Variants in SPAG17 observed in about 807,000 individuals in gnomAD.
SPAG17 encodes sperm associated antigen 17.
SPAG17 carries 169 observed loss-of-function variants against 273.6 expected under a neutral mutation model. The observed-to-expected ratio is 0.62, with a 90% CI of 0.55 to 0.70. The LOEUF is 0.70. Among genes scored for constraint, SPAG17 ranks in the 30% least tolerant of loss-of-function variants. SPAG17 has a pLI of 0.00. For synonymous variants in SPAG17, 825 were observed against 873.2 expected, an observed-to-expected ratio of 0.94 and a Z score of 0.97; for missense variants, 2,557 against 2,627.8, an observed-to-expected ratio of 0.97 and a Z score of 0.59.
intron 31 of SPAG17, among the ~76,000 whole-genome samples, chr1:118,006,702 C>A (rs746860955): frequency 6.6e-6 from 1 of 152,170 alleles, no homozygotes; most frequent in Non-Finnish European, 1.5e-5. Context: ...AAGTGACTAA[C>A]CACTTTCCAA....
intron 43 of SPAG17, among the ~76,000 whole-genome samples, chr1:117,977,278 G>T (rs779455366): frequency 6.6e-6 from 1 of 152,084 alleles, no homozygotes; most frequent in Non-Finnish European, 1.5e-5. Context: ...TCAAGATTGT[G>T]CCACTGCACT....
intron 37 of SPAG17, 29 bp downstream of exon 37, chr1:117,991,386 G>C (rs1438206515): frequency 7.6e-7 from 1 of 1,316,634 alleles, no homozygotes; most frequent in Non-Finnish European, 1.1e-6. Context: ...ACAATAGTAA[G>C]AACATGGGTA....
chr1:117,990,427 G>A (rs537463734), intron 38 of SPAG17, among the ~76,000 whole-genome samples: 1 of 152,172 alleles, frequency 6.6e-6, no homozygotes, highest in Non-Finnish European at 1.5e-5. Context: ...TTCTTTGAAT[G>A]AGATCTAAGA....
At chr1:118,022,007 C>G (rs1456793649) in intron 28 of SPAG17, among the ~76,000 whole-genome samples, 1 of 152,006 alleles carries the variant, frequency 6.6e-6, no homozygotes, top group East Asian at 1.9e-4. Flanking sequence ...CACAATATTT[C>G]TGGGTACTGT....
At chr1:117,991,605 G>T in intron 36 of SPAG17, 77 bp from the exon 37 acceptor site, 1 of 842,416 alleles carries the variant, frequency 1.2e-6, no homozygotes, top group Non-Finnish European at 1.9e-6. Context: ...TCATCAACTT[G>T]AAATATTACA....
intron 43 of SPAG17, among the ~76,000 whole-genome samples, chr1:117,974,672 C>T (rs1290686357): frequency 1.3e-5 from 2 of 152,176 alleles, no homozygotes; most frequent in Non-Finnish European, 2.9e-5. Flanking sequence ...TCCTCAGTTA[C>T]ATGAGGGAAT....
intron 4 of SPAG17, among the ~76,000 whole-genome samples, chr1:118,106,601 A>G (rs1395632865): frequency 1.3e-5 from 2 of 152,208 alleles, no homozygotes; most frequent in Non-Finnish European, 2.9e-5. Flanking sequence ...TGCTACAGAA[A>G]AGTTCCAATG....
At chr1:118,166,185 A>T (rs944595161) in intron 1 of SPAG17, among the ~76,000 whole-genome samples, 8 of 152,178 alleles carry the variant, frequency 5.3e-5, no homozygotes, top group Admixed American at 1.3e-4. Flanking sequence ...ATGCCACCCA[A>T]ACCGGCACAT....
At chr1:118,049,472 C>T (rs990514454) in intron 20 of SPAG17, among the ~76,000 whole-genome samples, 1 of 152,104 alleles carries the variant, frequency 6.6e-6, no homozygotes, top group African/African-American at 2.4e-5. Context: ...AGATAAAAAT[C>T]ACATGGTCAT....
intron 3 of SPAG17, among the ~76,000 whole-genome samples, chr1:118,135,276 C>T (rs995150527): frequency 3.9e-5 from 6 of 151,968 alleles, no homozygotes; most frequent in Non-Finnish European, 8.8e-5. Context: ...AAAAAAGTGT[C>T]TGGTGTCATG....
intron 46 of SPAG17, 32 bp from the exon 47 acceptor site, chr1:117,966,785 C>T (rs776094646): frequency 2.6e-6 from 4 of 1,562,146 alleles, no homozygotes; most frequent in Non-Finnish European, 3.5e-6. Flanking sequence ...TAGGACCAGA[C>T]AACTCTGAGT....
At chr1:118,123,304 T>C (rs1167283552) in intron 3 of SPAG17, among the ~76,000 whole-genome samples, 1 of 152,200 alleles carries the variant, frequency 6.6e-6, no homozygotes, top group East Asian at 1.9e-4. Flanking sequence ...TAATGAGTAA[T>C]TTCCAATGAG....
Position 118,028,254 on chromosome 1 carries a change from CT to C in SPAG17, c.3730+19del. 6.2e-7 allele frequency: 1 copy of C among 1,602,220 alleles called. No individual in the cohort carries two copies. The highest frequency in any genetic ancestry group is 1.3e-5 in the African/African-American group (1 of 74,348). On this transcript the variant is annotated intron_variant, in intron 26 of 48. Coordinates refer to ENST00000336338, the MANE Select transcript of SPAG17 (RefSeq NM_206996.4). ...ACATTTTGCTCCCTGCTTCCCCACC[CT>C]ACCCCATATAGCACTTACCTGTAGA...
chr1:118,099,728 A>T lies in SPAG17; in HGVS notation c.707T>A (p.Ile236Asn). Reference sequence around the variant, plus strand: ...TATAGGAATGCCAAGCTCAGCCATAATTGCTAATAGCTGAGGATTGTTAAA... The same window carrying T: ...TATAGGAATGCCAAGCTCAGCCATATTTGCTAATAGCTGAGGATTGTTAAA... The part of the protein sequence containing the change: ...VGFNNPQLLA[I>N]MAELGIPITS... Residue 236 changes from isoleucine (I) to asparagine (N), a missense_variant, in exon 6 of 49, where the codon ATT (isoleucine) becomes AAT (asparagine). Ile to Asn is a moderately radical substitution (Grantham distance 149, BLOSUM62 -3). Coordinates refer to ENST00000336338, the MANE Select transcript of SPAG17 (RefSeq NM_206996.4). 1 of 1,613,834 alleles carries T rather than the reference A, an allele frequency of 6.2e-7. No individual in the cohort carries two copies. Among genetic ancestry groups the T allele is most frequent in the Non-Finnish European group, 8.5e-7 (1 of 1,179,932 alleles).
Position 118,081,052 on chromosome 1 carries a change from G to A in SPAG17, c.2209+49C>T, listed in dbSNP as rs372163567. The A allele has an allele frequency of 1.4e-5, 18 of 1,330,814 alleles. No individual in the cohort carries two copies. In the African/African-American group the frequency reaches 2.8e-4, roughly 20 times the overall value. 82.4% of individuals were successfully genotyped at this position (1,330,814 alleles called of 1,614,324 possible). A position where few individuals can be genotyped will look rare whatever the true frequency, so the allele number is the denominator to read the frequency against. On this transcript the variant is annotated intron_variant, in intron 15 of 48. Transcript: ENST00000336338. ...TTTTTGATTTATGTGTACTATAATA[G>A]TGTCTTACACACACACACACACACA... is the stretch of plus-strand genomic sequence containing the variant.
intron 29 of SPAG17, among the ~76,000 whole-genome samples, 169 bp from the exon 30 acceptor site, chr1:118,012,541 G>C (rs575833104): frequency 1.3e-5 from 2 of 152,298 alleles, no homozygotes; most frequent in East Asian, 3.9e-4. Context: ...ATCTTGGCAG[G>C]TACCCTCATT....
chr1:118,120,063 G>A (rs777646387), intron 3 of SPAG17, among the ~76,000 whole-genome samples: 3 of 152,118 alleles, frequency 2.0e-5, no homozygotes, highest in Non-Finnish European at 2.9e-5. Flanking sequence ...AAGTGCATGT[G>A]TGTTTTTGTT....
intron 3 of SPAG17, among the ~76,000 whole-genome samples, chr1:118,143,584 T>C (rs867164331): frequency 1.3e-5 from 2 of 152,164 alleles, no homozygotes; most frequent in African/African-American, 4.8e-5. Flanking sequence ...TTAGTTGATA[T>C]ATATGAACTA....
chr1:118,167,356 G>T (rs1301764809), intron 1 of SPAG17, among the ~76,000 whole-genome samples: 1 of 151,944 alleles, frequency 6.6e-6, no homozygotes, highest in African/African-American at 2.4e-5. Flanking sequence ...AATACAAATT[G>T]TTTACTTATG....
Sources: allele counts gnomAD v4.1 joint callset (sites outside exome capture counted in the v4.1 genomes callset), GRCh38; gene constraint gnomAD v4.1.1; transcripts MANE v1.5; gene names NCBI Gene and HGNC (gene_info 2026-07-23, HGNC 2026-07-21).